The following SCUBE2 variants were observed in gnomAD, a reference collection of about 807,000 sequenced individuals.
SCUBE2 encodes the protein signal peptide, CUB domain and EGF like domain containing 2.
In SCUBE2, 114 loss-of-function variants were observed where a neutral mutation model predicts 125.9. The ratio of observed to expected loss-of-function variants is 0.91; its 90% CI spans 0.78 to 1.06. SCUBE2 has a LOEUF of 1.06. SCUBE2 is among the 50% of genes least tolerant of loss of function. SCUBE2 has a pLI of 0.00. For missense variants in SCUBE2, 1,255 were observed against 1,301.8 expected, an observed-to-expected ratio of 0.96 and a Z score of 0.55; for synonymous variants, 459 against 492.9, an observed-to-expected ratio of 0.93 and a Z score of 0.91.
At chr11:9,023,108 A>T (rs1329164431) in intron 21 of SCUBE2, among the ~76,000 whole-genome samples, 1 of 152,210 alleles carries the variant, frequency 6.6e-6, no homozygotes, top group South Asian at 2.1e-4. Context: ...CTTACTTCCT[A>T]TAGGCATCAT....
rs1422509748 is a variant in SCUBE2 at position 9,020,239 on chromosome 11, A to C, written c.*806T>G. 1.3e-5 allele frequency among the ~76,000 whole-genome samples: 2 copies of C among 152,130 alleles called. No homozygotes were observed. The highest frequency in any genetic ancestry group is 3.9e-4 in the East Asian group (2 of 5,180). ...ATTGATGATTCTCATCCACTGAGGA[A>C]ATTACATTTCACCTGAACTCCCCAG... is the stretch of plus-strand genomic sequence containing the variant. On this transcript the variant is annotated 3_prime_UTR_variant, in exon 23 of 23. Coordinates refer to ENST00000649792, the MANE Select transcript of SCUBE2 (RefSeq NM_001367977.2).
chr11:9,056,600 G>A lies in SCUBE2; in HGVS notation c.1091-691C>T, dbSNP rs540091171. ...AGTCCTATGAGTCTGCTAGCCTCCT[G>A]GTTCAGTGTGGAAGCCTCCTTGGCT... On this transcript the variant is annotated intron_variant, in intron 9 of 22. Coordinates refer to ENST00000649792, the MANE Select transcript of SCUBE2 (RefSeq NM_001367977.2). 7.9e-5 allele frequency among the ~76,000 whole-genome samples: 12 copies of A among 152,316 alleles called. No homozygotes were observed. The East Asian group carries it at 2.1e-3, about 27-fold the overall frequency.
chr11:9,085,582 C>T (rs1226425455), intron 2 of SCUBE2, among the ~76,000 whole-genome samples: 2 of 151,940 alleles, frequency 1.3e-5, no homozygotes, highest in African/African-American at 2.4e-5. Context: ...AAAAATTAGC[C>T]AGGCGTGGTG....
rs1318708973 is a variant in SCUBE2, at chr11:9,033,752, A to G, written c.2047T>C (p.Cys683Arg). 6.2e-7 allele frequency: 1 copy of G among 1,614,006 alleles called. No homozygotes were observed. Among genetic ancestry groups the G allele is most frequent in the African/African-American group, 1.3e-5 (1 of 74,904 alleles). ...AAGGTTCCATTTGGACATAAAATGC[A>G]GCGTTCTCGTGCTCCATCATAATAG... ...GTYYDGARERCILCPNGTFQN... is the reference protein window; with the variant it reads ...GTYYDGARERRILCPNGTFQN... The change falls in exon 17 of 23, where the codon TGC becomes CGC. Residue 683 changes from cysteine (C) to arginine (R), a missense_variant. Around this residue, in one of 3 missense-constraint regions of SCUBE2, gnomAD observed 515 missense variants for 515.7 expected, o/e 1.00. Transcript: ENST00000649792.
Position 9,048,068 on chromosome 11 carries a change from C to A in SCUBE2, c.1670G>T (p.Arg557Leu), listed in dbSNP as rs376851791. 8 of 1,613,602 alleles carry A rather than the reference C, an allele frequency of 5.0e-6. No homozygotes were observed. In the East Asian group the frequency reaches 1.8e-4, roughly 36 times the overall value. The change falls in exon 15 of 23, where the codon CGC becomes CTC. Residue 557 changes from arginine (R) to leucine (L), a missense_variant. Coordinates refer to ENST00000649792, the MANE Select transcript of SCUBE2 (RefSeq NM_001367977.2). ...AGAGCTGCATGTAAGGTTTACGTAG[C>A]GGAAGCTCTCTTTTACTGAGCTGTG... ...EKHSSVKESF[R>L]YVNLTCSSGK... is the part of the protein sequence containing the mutation.
chr11:9,071,228 AGCT>A (rs1439473509), intron 4 of SCUBE2, among the ~76,000 whole-genome samples: 1 of 152,234 alleles, frequency 6.6e-6, no homozygotes, highest in Non-Finnish European at 1.5e-5. Context: ...CAAACAGGCC[AGCT>A]GCTGCTGCTT....
At chr11:9,058,934 T>C (rs1859385050) in intron 9 of SCUBE2, among the ~76,000 whole-genome samples, 1 of 152,214 alleles carries the variant, frequency 6.6e-6, no homozygotes, top group Non-Finnish European at 1.5e-5. Context: ...CCAACTTTTG[T>C]GATAAATTCA....
intron 9 of SCUBE2, among the ~76,000 whole-genome samples, chr11:9,056,693 G>T (rs1387695866): frequency 6.6e-6 from 1 of 152,130 alleles, no homozygotes; most frequent in Non-Finnish European, 1.5e-5. Flanking sequence ...CTTTCCCTGG[G>T]TCTGGCCCTC....
intron 20 of SCUBE2, chr11:9,027,115 C>G (rs1340455993): frequency 5.9e-6 from 3 of 511,470 alleles, no homozygotes; most frequent in Non-Finnish European, 1.1e-5. Flanking sequence ...GAAGAGGGTC[C>G]AAAACGCCCC....
At chr11:9,064,942 A>G (rs567577033) in intron 7 of SCUBE2, 71 of 152,168 alleles carry the variant, frequency 4.7e-4, no homozygotes, top group African/African-American at 1.7e-3. Flanking sequence ...TGACCGCTGG[A>G]CCTTCAGGCA....
chr11:9,083,877 T>C (rs1397604018), intron 2 of SCUBE2, among the ~76,000 whole-genome samples: 1 of 151,952 alleles, frequency 6.6e-6, no homozygotes, highest in Non-Finnish European at 1.5e-5. Flanking sequence ...GAATCCAAAG[T>C]ATCAGTGTTA....
intron 9 of SCUBE2, among the ~76,000 whole-genome samples, chr11:9,058,232 G>C (rs767236190): frequency 9.2e-5 from 14 of 152,196 alleles, no homozygotes; most frequent in Non-Finnish European, 7.3e-5. Context: ...GGAGGCCTAG[G>C]AGGGCGGATC....
Position 9,053,099 on chromosome 11 carries a change from C to T in SCUBE2, c.1447G>A (p.Gly483Arg). Reference protein sequence around the residue: ...RCHSGIHLSSGLQGAYSVTCG... With the variant: ...RCHSGIHLSSRLQGAYSVTCG... Reference sequence around the variant, plus strand: ...GCCCCGGGAACTGGGCCCCACTCACCTGAAGAGAGGTGAATGCCAGAGTGA... The same window carrying T: ...GCCCCGGGAACTGGGCCCCACTCACTTGAAGAGAGGTGAATGCCAGAGTGA... Residue 483 changes from glycine (G) to arginine (R), a missense_variant and splice_region_variant, in exon 12 of 23, where the codon GGA (glycine) becomes AGA (arginine). Gly to Arg is a moderately radical substitution (Grantham distance 125, BLOSUM62 -2). Around this residue, in one of 3 missense-constraint regions of SCUBE2, gnomAD observed 378 missense variants for 463.1 expected, o/e 0.82. Transcript: ENST00000649792. The T allele has an allele frequency of 6.2e-7, 1 of 1,613,800 alleles. No homozygotes were observed. The highest frequency in any genetic ancestry group is 8.5e-7 in the Non-Finnish European group (1 of 1,179,714).
intron 5 of SCUBE2, among the ~76,000 whole-genome samples, chr11:9,067,395 A>G (rs1183260997): frequency 6.6e-6 from 1 of 152,244 alleles, no homozygotes; most frequent in Non-Finnish European, 1.5e-5. Context: ...AGCCAACTAC[A>G]AAACTATCTA....
chr11:9,044,230 G>A (rs1031700957), intron 16 of SCUBE2, among the ~76,000 whole-genome samples: 6 of 152,142 alleles, frequency 3.9e-5, no homozygotes, highest in Admixed American at 2.0e-4. Context: ...ACAACACATA[G>A]CACTATTCAA....
chr11:9,033,277 C>T (rs1184596939), intron 17 of SCUBE2, among the ~76,000 whole-genome samples: 1 of 152,148 alleles, frequency 6.6e-6, no homozygotes, highest in Non-Finnish European at 1.5e-5. Context: ...AAAACCCAGA[C>T]CTCCTCTCTT....
intron 10 of SCUBE2, among the ~76,000 whole-genome samples, chr11:9,055,477 G>A (rs1395422283): frequency 6.6e-6 from 1 of 152,192 alleles, no homozygotes; most frequent in African/African-American, 2.4e-5. Context: ...CCAATAGATA[G>A]GTTATCAGCT....
chr11:9,057,453 A>G (rs2135538807), intron 9 of SCUBE2: 1 of 152,290 alleles, frequency 6.6e-6, no homozygotes, highest in African/African-American at 2.4e-5. Context: ...TTTTTGTAAA[A>G]AGGTAATGCT....
chr11:9,090,167 G>A (rs1862515979), intron 1 of SCUBE2: 2 of 186,998 alleles, frequency 1.1e-5, no homozygotes, highest in Non-Finnish European at 2.2e-5. Context: ...AGGCAGGGTT[G>A]TCACTGTTTT....
Sources: allele counts gnomAD v4.1 joint callset (sites outside exome capture counted in the v4.1 genomes callset), GRCh38; gene constraint gnomAD v4.1.1; regional missense constraint gnomAD v4.1.1; transcripts MANE v1.5; gene names NCBI Gene and HGNC (gene_info 2026-07-23, HGNC 2026-07-21).